Variants in HPS4 observed in about 807,000 individuals in gnomAD.
HPS4 encodes BLOC-3 complex member HPS4.
HPS4 carries 44 observed loss-of-function variants against 70.3 expected under a neutral mutation model. That is an observed-to-expected ratio of 0.63 (90% CI 0.49 to 0.80). The LOEUF is 0.80. Among genes scored for constraint, HPS4 ranks in the 30% least tolerant of loss-of-function variants. HPS4 has a pLI of 0.00. For missense variants in HPS4, 873 were observed against 884.4 expected, an observed-to-expected ratio of 0.99 and a Z score of 0.16; for synonymous variants, 377 against 355.9, an observed-to-expected ratio of 1.06 and a Z score of -0.67.
intron 4 of HPS4, among the ~76,000 whole-genome samples, chr22:26,474,565 AT>A (rs2090271172): frequency 6.6e-6 from 1 of 152,178 alleles, no homozygotes; most frequent in Non-Finnish European, 1.5e-5. Flanking sequence ...AGCAATAACC[AT>A]AAAAAGATAA....
downstream of HPS4, among the ~76,000 whole-genome samples, chr22:26,447,407 C>T (rs534831644): frequency 8.5e-4 from 129 of 152,266 alleles, no homozygotes; most frequent in African/African-American, 2.9e-3. Flanking sequence ...AATAAGTGCG[C>T]CTTTTATTCG....
intron 3 of HPS4, among the ~76,000 whole-genome samples, 174 bp from the exon 4 acceptor site, chr22:26,477,310 G>A (rs1469850128): frequency 2.6e-5 from 4 of 152,330 alleles, no homozygotes; most frequent in Admixed American, 2.6e-4. Context: ...AGAAGAACAT[G>A]TGATTGAAAC....
At chr22:26,467,814 C>A (rs935629535) in intron 8 of HPS4, 4 of 152,146 alleles carry the variant, frequency 2.6e-5, no homozygotes, top group African/African-American at 9.7e-5. Context: ...TCTCAATGAG[C>A]ATGCATGGCT....
intron 13 of HPS4, among the ~76,000 whole-genome samples, chr22:26,457,642 A>C (rs1330704782): frequency 1.3e-5 from 2 of 152,214 alleles, no homozygotes; most frequent in African/African-American, 2.4e-5. Flanking sequence ...GCTGGACCCC[A>C]AGCGTCTAAA....
chr22:26,466,809 A>C (rs2088720322), intron 8 of HPS4: 2 of 161,932 alleles, frequency 1.2e-5, no homozygotes. Context: ...CTCTCGTTTC[A>C]ATCTGAGGGT....
chr22:26,461,942 C>T (rs1272582027), intron 11 of HPS4, among the ~76,000 whole-genome samples: 1 of 152,102 alleles, frequency 6.6e-6, no homozygotes, highest in Non-Finnish European at 1.5e-5. Context: ...GCCTGACCAA[C>T]ATGGAGAAAC....
chr22:26,470,096 A>G (rs2089532767), intron 7 of HPS4, among the ~76,000 whole-genome samples: 1 of 152,268 alleles, frequency 6.6e-6, no homozygotes, highest in African/African-American at 2.4e-5. Flanking sequence ...CTCCGGGCAC[A>G]GCGCAATGGC....
intron 7 of HPS4, among the ~76,000 whole-genome samples, chr22:26,469,695 A>T (rs573633004): frequency 1.7e-5 from 1 of 58,504 alleles, no homozygotes; most frequent in Non-Finnish European, 4.5e-5. Flanking sequence ...TACAAAAAAA[A>T]AAAAAAGAAA....
At position 26,483,576 on chromosome 22, in the gene HPS4, T is replaced by A. The variant is rs572261491; in HGVS notation, c.-479+98A>T. 2.1e-4 allele frequency: 43 copies of A among 207,264 alleles called. No homozygotes were observed. In the South Asian group the frequency reaches 6.2e-3, roughly 30 times the overall value. The allele number at this position is 207,264 out of a possible 1,614,324, so 12.8% of individuals were successfully genotyped here. ...GCCCCAGCTCTACGGGACTGGGAAA[T>A]GGTGGGCGAACGCCTAAGGATTAGG... On this transcript the variant is annotated intron_variant, in intron 1 of 13. Transcript: ENST00000398145.
chr22:26,464,317 C>T lies in HPS4; in HGVS notation c.1313G>A (p.Gly438Glu), dbSNP rs750452419. ...PSAPEMLTQH[G>E]AQEQLEDHPG... is the part of the protein sequence containing the mutation. ...ATGGTCTTCGAGCTGCTCTTGGGCT[C>T]CATGCTGGGTCAGCATCTCAGGAGC... Residue 438 changes from glycine to glutamate, a missense_variant, in exon 11 of 14, where the codon GGA becomes GAA. Coordinates refer to ENST00000398145, the MANE Select transcript of HPS4 (RefSeq NM_022081.6). 20 of 1,613,954 alleles carry T rather than the reference C, an allele frequency of 1.2e-5. No individual in the cohort carries two copies. The South Asian group carries it at 2.2e-4, about 18-fold the overall frequency.
At chr22:26,459,582 G>A (rs1341856357) in intron 11 of HPS4, among the ~76,000 whole-genome samples, 1 of 152,170 alleles carries the variant, frequency 6.6e-6, no homozygotes, top group Non-Finnish European at 1.5e-5. Context: ...CTGAAATGGG[G>A]TTTCCTGGGC....
rs1601821680 is a variant in HPS4 at position 26,457,852 on chromosome 22, G to T, written c.1955+7C>A. 1 of 1,605,266 alleles carries T rather than the reference G, an allele frequency of 6.2e-7. No individual in the cohort carries two copies. The highest frequency in any genetic ancestry group is 2.2e-5 in the East Asian group (1 of 44,846). ...AGTAGGTTGGGGAGCGACTCAGGGAGGCTCACCTGACAGTCATTTCATAAA... is the reference window on the plus strand; with the variant it reads ...AGTAGGTTGGGGAGCGACTCAGGGATGCTCACCTGACAGTCATTTCATAAA... On this transcript the variant is annotated splice_region_variant and intron_variant, in intron 13 of 13. Transcript: ENST00000398145.
At chr22:26,479,582 C>T in intron 2 of HPS4, 2 of 1,368,378 alleles carry the variant, frequency 1.5e-6, no homozygotes, top group Non-Finnish European at 1.9e-6. Context: ...GTTAGACCAT[C>T]TGCCGGAGAA....
At chr22:26,465,420 G>T in intron 10 of HPS4, 35 bp downstream of exon 10, 1 of 1,450,872 alleles carries the variant, frequency 6.9e-7, no homozygotes, top group Non-Finnish European at 9.7e-7. Flanking sequence ...TCCCTCAGGT[G>T]TGGTGCAAGG....
chr22:26,459,185 T>C (rs2086784477), intron 11 of HPS4, among the ~76,000 whole-genome samples: 1 of 152,204 alleles, frequency 6.6e-6, no homozygotes, highest in African/African-American at 2.4e-5. Context: ...CTGCTACACC[T>C]AGCACGGTCC....
chr22:26,448,680 T>C (rs1184303805), downstream of HPS4, among the ~76,000 whole-genome samples: 3 of 152,152 alleles, frequency 2.0e-5, no homozygotes, highest in South Asian at 6.2e-4. Context: ...TCCAAAGCAC[T>C]CTCTGGGTTT....
At chr22:26,446,877 G>A (rs924010784), downstream of HPS4, among the ~76,000 whole-genome samples, 2 of 152,182 alleles carry the variant, frequency 1.3e-5, no homozygotes, top group Non-Finnish European at 2.9e-5. Flanking sequence ...ACAGGTGCCC[G>A]CTTCCACGCC....
chr22:26,463,664 G>C (rs539246615), intron 11 of HPS4, among the ~76,000 whole-genome samples: 1 of 152,226 alleles, frequency 6.6e-6, no homozygotes, highest in South Asian at 2.1e-4. Flanking sequence ...AGAAACAGCG[G>C]AAGAAGAGAA....
At chr22:26,443,417 T>TG, downstream of HPS4, 1 of 521,748 alleles carries the variant, frequency 1.9e-6, no homozygotes, top group South Asian at 2.2e-5. Context: ...TAGATTTTTT[T>TG]TTTTTCCTTC....
Sources: allele counts gnomAD v4.1 joint callset (sites outside exome capture counted in the v4.1 genomes callset), GRCh38; gene constraint gnomAD v4.1.1; transcripts MANE v1.5; gene names NCBI Gene and HGNC (gene_info 2026-07-23, HGNC 2026-07-21).